FBXL17: variants seen among roughly 807,000 people sequenced by gnomAD.
FBXL17 encodes F-box/LRR-repeat protein 17.
In FBXL17, 22 loss-of-function variants were observed where a neutral mutation model predicts 66.2. That is an observed-to-expected ratio of 0.33 (90% CI 0.24 to 0.47). The LOEUF is 0.47. FBXL17 is among the 20% of genes least tolerant of loss of function. The pLI is 1.00. For missense variants in FBXL17, 878 were observed against 948.2 expected, an observed-to-expected ratio of 0.93 and a Z score of 0.97; for synonymous variants, 474 against 400.5, an observed-to-expected ratio of 1.18 and a Z score of -2.19.
intron 7 of FBXL17, among the ~76,000 whole-genome samples, chr5:107,901,372 G>A (rs1320967073): frequency 6.6e-6 from 1 of 152,100 alleles, no homozygotes; most frequent in East Asian, 1.9e-4. Context: ...GGTAGAAATA[G>A]TTCTGGAAAT....
At chr5:108,111,221 G>GA (rs569414374) in intron 6 of FBXL17, among the ~76,000 whole-genome samples, 38 of 136,628 alleles carry the variant, frequency 2.8e-4, no homozygotes, top group Middle Eastern at 3.7e-3. Context: ...GTAAAAAGAA[G>GA]AAAAAAAAAA....
chr5:108,056,140 C>T (rs1214036543), intron 6 of FBXL17, among the ~76,000 whole-genome samples: 1 of 152,180 alleles, frequency 6.6e-6, no homozygotes, highest in Non-Finnish European at 1.5e-5. Flanking sequence ...CTTTTATACC[C>T]TACACACATT....
In FBXL17 at chr5:108,226,054, CT is replaced by C. The variant is rs907636995; in HGVS notation, c.1507-1827del. 1.2e-3 allele frequency among the ~76,000 whole-genome samples: 180 copies of C among 152,246 alleles called. 3 individuals carry two copies. The highest frequency in any genetic ancestry group is 4.1e-3 in the African/African-American group (170 of 41,548). Reference sequence around the variant, plus strand: ...CTAATTGCATGGCTCCTTAATAACTCTCCTAGTCCCTCTCTGTGTCTCACCA... The same window carrying C: ...CTAATTGCATGGCTCCTTAATAACTCCCTAGTCCCTCTCTGTGTCTCACCA... On this transcript the variant is annotated intron_variant, in intron 4 of 8. Coordinates refer to ENST00000542267, the MANE Select transcript of FBXL17 (RefSeq NM_001163315.3).
chr5:108,185,047 G>T (rs1218029770), intron 6 of FBXL17, among the ~76,000 whole-genome samples: 1 of 151,944 alleles, frequency 6.6e-6, no homozygotes, highest in East Asian at 1.9e-4. Flanking sequence ...GGGTTTTCCT[G>T]TATTTTTTTC....
chr5:108,083,101 T>A (rs1373778472), intron 6 of FBXL17, among the ~76,000 whole-genome samples: 1 of 152,068 alleles, frequency 6.6e-6, no homozygotes, highest in African/African-American at 2.4e-5. Flanking sequence ...AAATAATCAA[T>A]ATTTAAGAAG....
At chr5:108,271,653 C>T (rs1757272342) in intron 4 of FBXL17, among the ~76,000 whole-genome samples, 1 of 152,194 alleles carries the variant, frequency 6.6e-6, no homozygotes, top group Non-Finnish European at 1.5e-5. Flanking sequence ...AACTATAAAA[C>T]AACACCTGAA....
chr5:107,980,669 TTTTTTG>T (rs1752786352), intron 7 of FBXL17, among the ~76,000 whole-genome samples: 1 of 107,038 alleles, frequency 9.3e-6, no homozygotes, highest in African/African-American at 4.3e-5. Flanking sequence ...TATATATTTT[TTTTTTG>T]AGATGGAGTC....
intron 6 of FBXL17, among the ~76,000 whole-genome samples, chr5:108,165,704 T>C (rs1752390550): frequency 6.6e-6 from 1 of 152,204 alleles, no homozygotes; most frequent in South Asian, 2.1e-4. Flanking sequence ...AGGTGTTAGA[T>C]GGGTTGTCCT....
At chr5:108,055,598 G>T (rs1747673299) in intron 6 of FBXL17, among the ~76,000 whole-genome samples, 2 of 104,296 alleles carry the variant, frequency 1.9e-5, no homozygotes, top group South Asian at 4.0e-4. Context: ...GACACAGCGA[G>T]ACTCTGTCTC....
intron 6 of FBXL17, among the ~76,000 whole-genome samples, chr5:108,183,997 G>A (rs189599079): frequency 5.1e-4 from 78 of 152,272 alleles, no homozygotes; most frequent in African/African-American, 1.8e-3. Flanking sequence ...TACTAAGAAA[G>A]AGTGAAGTCA....
chr5:108,187,438 C>T (rs1265611406), intron 5 of FBXL17, among the ~76,000 whole-genome samples: 2 of 152,038 alleles, frequency 1.3e-5, no homozygotes, highest in Admixed American at 6.6e-5. Flanking sequence ...GGAGATTATC[C>T]CAGGTTATCT....
intron 7 of FBXL17, among the ~76,000 whole-genome samples, chr5:107,924,912 T>C (rs1750474720): frequency 6.6e-6 from 1 of 152,234 alleles, no homozygotes; most frequent in Non-Finnish European, 1.5e-5. Context: ...CTTTGCATTT[T>C]CTCATTTGTG....
intron 4 of FBXL17, chr5:108,299,107 A>G: frequency 1.0e-6 from 1 of 978,090 alleles, no homozygotes. Context: ...AGTCTGATTT[A>G]TAACAGCTTT....
chr5:107,946,836 C>A (rs1751318350), intron 7 of FBXL17, among the ~76,000 whole-genome samples: 1 of 151,814 alleles, frequency 6.6e-6, no homozygotes, highest in Non-Finnish European at 1.5e-5. Context: ...AGAAAAATAC[C>A]CATGAATGGA....
chr5:108,012,910 G>A (rs1338164011), intron 7 of FBXL17, among the ~76,000 whole-genome samples: 1 of 151,496 alleles, frequency 6.6e-6, no homozygotes, highest in Non-Finnish European at 1.5e-5. Context: ...AGCTACTAGG[G>A]AGGCTGAAGC....
intron 7 of FBXL17, among the ~76,000 whole-genome samples, chr5:107,926,305 T>C (rs1442590299): frequency 2.0e-5 from 3 of 152,070 alleles, no homozygotes; most frequent in Non-Finnish European, 2.9e-5. Flanking sequence ...TTCTCAATGA[T>C]AGAGATGAGG....
At chr5:108,020,044 G>T (rs1054180276) in intron 7 of FBXL17, among the ~76,000 whole-genome samples, 1 of 151,856 alleles carries the variant, frequency 6.6e-6, no homozygotes, top group Non-Finnish European at 1.5e-5. Context: ...CATGGTAGAT[G>T]GTCAGTGTGA....
At chr5:108,244,136 AC>A (rs1425932723) in intron 4 of FBXL17, among the ~76,000 whole-genome samples, 1 of 151,830 alleles carries the variant, frequency 6.6e-6, no homozygotes, top group African/African-American at 2.4e-5. Context: ...TGTTGTCCTC[AC>A]ACCTTTTCTC....
chr5:107,911,867 G>T (rs1749957776), intron 7 of FBXL17, among the ~76,000 whole-genome samples: 2 of 151,846 alleles, frequency 1.3e-5, no homozygotes, highest in African/African-American at 4.8e-5. Flanking sequence ...ATGGGCAATG[G>T]TTACAAATAA....
Sources: allele counts gnomAD v4.1 joint callset (sites outside exome capture counted in the v4.1 genomes callset), GRCh38; gene constraint gnomAD v4.1.1; transcripts MANE v1.5; gene names NCBI Gene and HGNC (gene_info 2026-07-23, HGNC 2026-07-21).